Variants in DENND2C observed in about 807,000 individuals in gnomAD.
DENND2C encodes DENN domain-containing protein 2C.
In DENND2C, 72 loss-of-function variants were observed where a neutral mutation model predicts 112.4. The ratio of observed to expected loss-of-function variants is 0.64; its 90% CI spans 0.53 to 0.78. The LOEUF (loss-of-function observed/expected upper bound fraction) is 0.78, where lower values mean the gene tolerates loss of function less well. Ranked by LOEUF, DENND2C falls within the 30% of genes least tolerant of loss-of-function variation. DENND2C has a pLI of 0.00. For synonymous variants in DENND2C, 329 were observed against 381.6 expected, an observed-to-expected ratio of 0.86 and a Z score of 1.61; for missense variants, 992 against 1,113.8, an observed-to-expected ratio of 0.89 and a Z score of 1.56.
At chr1:114,602,275 G>A in intron 11 of DENND2C, 81 bp from the exon 12 acceptor site, 1 of 1,378,286 alleles carries the variant, frequency 7.3e-7, no homozygotes, top group Non-Finnish European at 1.0e-6. Flanking sequence ...TTGAAAACTA[G>A]AGTCCAACAG....
At chr1:114,620,346 AG>A (rs1324186545) in intron 7 of DENND2C, among the ~76,000 whole-genome samples, 4 of 152,162 alleles carry the variant, frequency 2.6e-5, no homozygotes, top group Admixed American at 6.5e-5. Flanking sequence ...AATATTAGAA[AG>A]GGAAAAGTTA....
intron 12 of DENND2C, 100 bp downstream of exon 12, chr1:114,602,025 G>A (rs1046900607): frequency 3.5e-6 from 4 of 1,133,408 alleles, no homozygotes; most frequent in Admixed American, 1.9e-5. Context: ...AGATCATTGA[G>A]CATCCCTCAA....
chr1:114,637,105 C>CAAA (rs112092901), intron 3 of DENND2C, among the ~76,000 whole-genome samples: 1,667 of 148,734 alleles, frequency 0.011, 25 homozygotes, highest in African/African-American at 0.039. Flanking sequence ...AACAAAAATA[C>CAAA]AAAAAAAAAC....
chr1:114,656,297 C>T (rs2101694151), intron 1 of DENND2C, among the ~76,000 whole-genome samples: 1 of 152,238 alleles, frequency 6.6e-6, no homozygotes, highest in South Asian at 2.1e-4. Context: ...TGGTCTTAAA[C>T]TCCTGGCCTC....
intron 2 of DENND2C, among the ~76,000 whole-genome samples, chr1:114,650,201 T>C (rs912089736): frequency 2.6e-5 from 4 of 152,074 alleles, no homozygotes; most frequent in African/African-American, 9.7e-5. Context: ...TGCACGCCTG[T>C]AATCCCAGTT....
intron 2 of DENND2C, among the ~76,000 whole-genome samples, chr1:114,646,349 T>A (rs896239834): frequency 1.2e-4 from 19 of 152,336 alleles, no homozygotes; most frequent in African/African-American, 4.6e-4. Context: ...CACTTTTCTT[T>A]GGAAAAGGAA....
At chr1:114,588,115 G>GAA (rs1655092083) in intron 18 of DENND2C, among the ~76,000 whole-genome samples, 163 bp from the exon 19 acceptor site, 1 of 152,174 alleles carries the variant, frequency 6.6e-6, no homozygotes, top group African/African-American at 2.4e-5. Flanking sequence ...GCACGACCTA[G>GAA]AAAAGGCTAA....
At chr1:114,607,684 A>C (rs1161492768) in intron 10 of DENND2C, among the ~76,000 whole-genome samples, 3 of 152,174 alleles carry the variant, frequency 2.0e-5, no homozygotes, top group African/African-American at 7.2e-5. Flanking sequence ...TATTTTTAAA[A>C]TATTTGATTA....
rs1412431725 is a variant in DENND2C, at chr1:114,587,870, A to G, written c.2514T>C (p.Thr838=). 5 of 1,614,196 alleles carry G rather than the reference A, an allele frequency of 3.1e-6. No individual in the cohort carries two copies. The highest frequency in any genetic ancestry group is 4.2e-6 in the Non-Finnish European group (5 of 1,180,036). The change falls in exon 19 of 21, where the codon ACT becomes ACC. Residue 838 remains threonine, a synonymous_variant. Coordinates refer to ENST00000393274, the MANE Select transcript of DENND2C (RefSeq NM_001256404.2). Reference sequence around the variant, plus strand: ...AAACACGCTCCCCACGCTCAGTGACAGTCATGTTCAAAGAATAATGTCCTA... The same window carrying G: ...AAACACGCTCCCCACGCTCAGTGACGGTCATGTTCAAAGAATAATGTCCTA... ...ELVGHYSLNM[T]VTERGERVFQ... is the part of the protein sequence containing the mutation.
At chr1:114,618,181 G>A (rs1252659162) in intron 8 of DENND2C, among the ~76,000 whole-genome samples, 1 of 151,928 alleles carries the variant, frequency 6.6e-6, no homozygotes, top group Non-Finnish European at 1.5e-5. Flanking sequence ...GTAGAGACAG[G>A]GTTTCACCGT....
chr1:114,587,391 A>C lies in DENND2C; in HGVS notation c.2751T>G (p.Ser917Arg), dbSNP rs760260893. Reference protein sequence around the residue: ...EPSGMNRILRSLGSKMKFLQK... With the variant: ...EPSGMNRILRRLGSKMKFLQK... Reference sequence around the variant, plus strand: ...CAGGAAAACACAGCAACTAACCAAGACTCCGCAAAATTCTATTCATCCCAC... The same window carrying C: ...CAGGAAAACACAGCAACTAACCAAGCCTCCGCAAAATTCTATTCATCCCAC... The change falls in exon 20 of 21, where the codon AGT becomes AGG. Residue 917 changes from serine (S) to arginine (R), a missense_variant. By Grantham distance (110) the Ser-to-Arg change is moderately radical. Coordinates refer to ENST00000393274, the MANE Select transcript of DENND2C (RefSeq NM_001256404.2). 1.5e-5 allele frequency: 25 copies of C among 1,613,790 alleles called. No homozygotes were observed. The highest frequency in any genetic ancestry group is 2.0e-5 in the Non-Finnish European group (24 of 1,179,980).
intron 1 of DENND2C, among the ~76,000 whole-genome samples, chr1:114,661,283 T>C (rs1275324013): frequency 6.6e-6 from 1 of 152,192 alleles, no homozygotes; most frequent in African/African-American, 2.4e-5. Context: ...AATAGAGCTA[T>C]GTCATCACTA....
chr1:114,656,460 G>A (rs1191059687), intron 1 of DENND2C, among the ~76,000 whole-genome samples: 4 of 149,822 alleles, frequency 2.7e-5, no homozygotes, highest in South Asian at 2.1e-4. Flanking sequence ...GCAGTGGTGC[G>A]ATCTCGGCTC....
chr1:114,661,538 T>C (rs1209318802), intron 1 of DENND2C, among the ~76,000 whole-genome samples: 1 of 152,244 alleles, frequency 6.6e-6, no homozygotes, highest in African/African-American at 2.4e-5. Flanking sequence ...AAAAGTCCAG[T>C]ATGCTATGTT....
intron 3 of DENND2C, among the ~76,000 whole-genome samples, chr1:114,645,227 AC>A (rs755178313): frequency 1.1e-4 from 16 of 152,226 alleles, no homozygotes; most frequent in Non-Finnish European, 1.5e-4. Flanking sequence ...TGAAGTCCTA[AC>A]CCCCAGCACC....
At chr1:114,633,387 C>A (rs1278018401) in intron 3 of DENND2C, among the ~76,000 whole-genome samples, 1 of 139,964 alleles carries the variant, frequency 7.1e-6, no homozygotes, top group African/African-American at 2.7e-5. Context: ...TTGCAGTAAG[C>A]CAAGATCGCA....
chr1:114,625,145 C>T (rs536564424), intron 4 of DENND2C, 34 bp downstream of exon 4: 2 of 1,539,960 alleles, frequency 1.3e-6, no homozygotes, highest in African/African-American at 1.4e-5. Flanking sequence ...AAGGAAAATA[C>T]CTACAAGTCT....
chr1:114,630,105 G>A (rs1034387204), intron 3 of DENND2C, among the ~76,000 whole-genome samples: 5 of 151,916 alleles, frequency 3.3e-5, no homozygotes, highest in Admixed American at 2.6e-4. Context: ...ATGAGGTCAA[G>A]AGATTGAGAC....
At chr1:114,659,103 C>T (rs1442868271) in intron 1 of DENND2C, among the ~76,000 whole-genome samples, 1 of 152,160 alleles carries the variant, frequency 6.6e-6, no homozygotes, top group Non-Finnish European at 1.5e-5. Context: ...TCAGGTTTCT[C>T]TTCAGGAAAA....
Sources: gnomAD v4.1 joint callset for allele counts (sites outside exome capture counted in the v4.1 genomes callset) on GRCh38, gnomAD v4.1.1 for gene constraint, MANE v1.5 for transcripts, NCBI Gene and HGNC (gene_info 2026-07-23, HGNC 2026-07-21) for gene names.